Variants in TIAM1 observed in about 807,000 individuals in gnomAD.
The protein encoded by TIAM1 is TIAM Rac1 associated GEF 1.
TIAM1 carries 65 observed loss-of-function variants against 163.5 expected under a neutral mutation model. That is an observed-to-expected ratio of 0.40 (90% CI 0.33 to 0.49). TIAM1 has a LOEUF of 0.49. Among genes scored for constraint, TIAM1 ranks in the 20% least tolerant of loss-of-function variants. The pLI, the probability that TIAM1 is intolerant of heterozygous loss-of-function variation, is 0.77. For missense variants in TIAM1, 1,789 were observed against 2,044.7 expected, an observed-to-expected ratio of 0.87 and a Z score of 2.41; for synonymous variants, 833 against 810.1, an observed-to-expected ratio of 1.03 and a Z score of -0.48.
intron 2 of TIAM1, among the ~76,000 whole-genome samples, chr21:31,376,957 C>G (rs2076697247): frequency 6.6e-6 from 1 of 150,848 alleles, no homozygotes; most frequent in Non-Finnish European, 1.5e-5. Context: ...CTCCCGGGTT[C>G]AAGCAATTCT....
At chr21:31,121,758 C>T (rs1055897402) in intron 27 of TIAM1, among the ~76,000 whole-genome samples, 1 of 152,202 alleles carries the variant, frequency 6.6e-6, no homozygotes, top group African/African-American at 2.4e-5. Context: ...ACCTACTGCC[C>T]TCTAGGAAGC....
intron 11 of TIAM1, among the ~76,000 whole-genome samples, chr21:31,207,497 GA>G (rs907027251): frequency 2.0e-5 from 3 of 150,586 alleles, no homozygotes; most frequent in Admixed American, 6.6e-5. Context: ...TTTCAATGAG[GA>G]AAAAAAAACC....
chr21:31,345,611 T>C (rs928142450), upstream of TIAM1, among the ~76,000 whole-genome samples: 2 of 152,078 alleles, frequency 1.3e-5, no homozygotes, highest in African/African-American at 4.8e-5. Flanking sequence ...AATAACCACC[T>C]GATAAATGAA....
intron 2 of TIAM1, among the ~76,000 whole-genome samples, chr21:31,364,593 G>A (rs1020608752): frequency 4.6e-5 from 7 of 152,194 alleles, no homozygotes; most frequent in Non-Finnish European, 7.3e-5. Context: ...TATAGGAATT[G>A]TTAATAAGAG....
chr21:31,325,937 T>TA (rs948057368), intron 2 of TIAM1, among the ~76,000 whole-genome samples: 1 of 152,182 alleles, frequency 6.6e-6, no homozygotes, highest in African/African-American at 2.4e-5. Flanking sequence ...AGAAATTGTT[T>TA]AAAATGGAGC....
intron 1 of TIAM1, among the ~76,000 whole-genome samples, chr21:31,490,063 A>G (rs1389090617): frequency 6.6e-6 from 1 of 152,222 alleles, no homozygotes; most frequent in East Asian, 1.9e-4. Flanking sequence ...AAAAACTTGT[A>G]CATGTGTTAC....
intron 16 of TIAM1, among the ~76,000 whole-genome samples, chr21:31,162,482 G>A (rs2083976429): frequency 6.6e-6 from 1 of 152,148 alleles, no homozygotes; most frequent in African/African-American, 2.4e-5. Context: ...TAGAGAAGAT[G>A]AAGTCTGAAT....
At chr21:31,375,474 T>C (rs2076666997) in intron 2 of TIAM1, among the ~76,000 whole-genome samples, 1 of 128,496 alleles carries the variant, frequency 7.8e-6, no homozygotes, top group South Asian at 2.8e-4. Flanking sequence ...TAAATAACAA[T>C]TATTTTCCCC....
At position 31,141,966 on chromosome 21, in the gene TIAM1, C is replaced by A. The variant is rs2082867585; in HGVS notation, c.3476-462G>T. On this transcript the variant is annotated intron_variant, in intron 20 of 27. Coordinates refer to ENST00000541036, the MANE Select transcript of TIAM1 (RefSeq NM_001353694.2). This position sits in a 1 kb window ranked among gnomAD's most constrained non-coding sequence, Gnocchi z 4.7. ...CCACCTCCTGTCTGAGGCTCTTACA[C>A]CCTGGGCCACCATTCCCCTGTCCTA... Among the ~76,000 whole-genome samples, 1 of 152,134 alleles carries A rather than the reference C, an allele frequency of 6.6e-6. No homozygotes were observed. The highest frequency in any genetic ancestry group is 6.5e-5 in the Admixed American group (1 of 15,280).
chr21:31,248,470 C>A (rs2071623893), intron 5 of TIAM1, among the ~76,000 whole-genome samples: 1 of 152,220 alleles, frequency 6.6e-6, no homozygotes, highest in Non-Finnish European at 1.5e-5. Context: ...TGGTGAAAGT[C>A]TGTTTACCTT....
At chr21:31,194,342 G>A (rs948354272) in intron 13 of TIAM1, among the ~76,000 whole-genome samples, 4 of 152,204 alleles carry the variant, frequency 2.6e-5, no homozygotes, top group Non-Finnish European at 5.9e-5. Flanking sequence ...CAAACCTAGG[G>A]ATGGTCTTGG....
intron 1 of TIAM1, among the ~76,000 whole-genome samples, chr21:31,484,782 G>C (rs1356732334): frequency 1.3e-5 from 2 of 152,102 alleles, no homozygotes; most frequent in African/African-American, 4.8e-5. Context: ...CTAAATGTTT[G>C]TGCCCCACCT....
chr21:31,242,187 A>G (rs981584876), intron 6 of TIAM1, among the ~76,000 whole-genome samples: 1 of 152,204 alleles, frequency 6.6e-6, no homozygotes, highest in Non-Finnish European at 1.5e-5. Context: ...CTAATATCAC[A>G]TTAAATAGAG....
At chr21:31,512,617 CTTTTTTT>C (rs35338359) in intron 1 of TIAM1, among the ~76,000 whole-genome samples, 2 of 121,762 alleles carry the variant, frequency 1.6e-5, no homozygotes, top group African/African-American at 6.5e-5. Flanking sequence ...TTTTTCTTTT[CTTTTTTT>C]TTTTTTTTTT....
At chr21:31,337,815 C>T (rs2147086169) in intron 2 of TIAM1, among the ~76,000 whole-genome samples, 1 of 152,140 alleles carries the variant, frequency 6.6e-6, no homozygotes, top group Non-Finnish European at 1.5e-5. Flanking sequence ...CGGGTGTGAG[C>T]CACCACACCC....
chr21:31,255,354 G>A (rs1421229281), intron 4 of TIAM1, among the ~76,000 whole-genome samples: 2 of 152,144 alleles, frequency 1.3e-5, no homozygotes, highest in Non-Finnish European at 2.9e-5. Context: ...CCCTTATTCA[G>A]TCATGAAACT....
intron 16 of TIAM1, among the ~76,000 whole-genome samples, chr21:31,162,721 A>C (rs2083990675): frequency 6.6e-6 from 1 of 151,072 alleles, no homozygotes; most frequent in South Asian, 2.1e-4. Flanking sequence ...GACTCACTGC[A>C]ACCTCTGTCT....
At chr21:31,231,778 G>A (rs2088449913) in intron 6 of TIAM1, among the ~76,000 whole-genome samples, 1 of 152,126 alleles carries the variant, frequency 6.6e-6, no homozygotes, top group African/African-American at 2.4e-5. Context: ...CACTTTGGGA[G>A]GCCAAGGTGG....
rs2044734492 is a variant in TIAM1 at position 31,449,140 on chromosome 21, T to A, written c.-369+14843A>T. The stretch of plus-strand genomic sequence containing the variant: ...CCACCACATCCAGCTAATTTTTGTA[T>A]TTTTTGTAAAGATGGGGTTTCACCA... On this transcript the variant is annotated intron_variant, in intron 2 of 28. Coordinates refer to the TIAM1 transcript ENST00000286827. 2.0e-5 allele frequency among the ~76,000 whole-genome samples: 3 copies of A among 152,156 alleles called. No individual in the cohort carries two copies. The South Asian group carries it at 6.2e-4, about 32-fold the overall frequency.
Sources: allele counts gnomAD v4.1 joint callset (sites outside exome capture counted in the v4.1 genomes callset), GRCh38; gene constraint gnomAD v4.1.1; non-coding constraint Gnocchi (gnomAD v3.1); transcripts MANE v1.5; gene names NCBI Gene and HGNC (gene_info 2026-07-23, HGNC 2026-07-21).